The following GPR39 variants were observed in gnomAD, a reference collection of about 807,000 sequenced individuals.
GPR39 encodes the protein G protein-coupled receptor 39.
GPR39 carries 23 observed loss-of-function variants against 18.4 expected under a neutral mutation model. The observed-to-expected ratio is 1.25, with a 90% CI of 0.90 to 1.77. The LOEUF (loss-of-function observed/expected upper bound fraction) is 1.77. GPR39 is among the 40% of genes most tolerant of loss of function. The pLI, the probability that GPR39 is intolerant of heterozygous loss-of-function variation, is 0.00. For synonymous variants in GPR39, 280 were observed against 257.9 expected (o/e 1.09, Z -0.82); for missense variants, 647 against 602.4 (o/e 1.07, Z -0.78).
In GPR39 at chr2:132,492,464, TACCATATATATAC is replaced by T. The variant is rs1265997845; in HGVS notation, c.856+74590_856+74602del. Among the ~76,000 whole-genome samples, 246 of 140,150 alleles carry T rather than the reference TACCATATATATAC, an allele frequency of 1.8e-3. 2 individuals are homozygous for T. Among genetic ancestry groups the T allele is most frequent in the African/African-American group, 3.6e-3 (132 of 36,904 alleles). The allele number at this position is 140,150 out of a possible 152,430, so 91.9% of individuals were successfully genotyped here. A position where few individuals can be genotyped will look rare whatever the true frequency, so the allele number is the denominator to read the frequency against. ...ATACACCATATATACACACCATATA[TACCATATATATAC>T]ACCATATATATACACCATATATACA... is the stretch of plus-strand genomic sequence containing the variant. On this transcript the variant is annotated intron_variant, in intron 1 of 1. Coordinates refer to ENST00000329321, the MANE Select transcript of GPR39 (RefSeq NM_001508.3).
At chr2:132,449,229 G>A (rs6751938) in intron 1 of GPR39, among the ~76,000 whole-genome samples, 120,354 of 151,928 alleles carry the variant, frequency 0.79, 48,505 homozygotes, top group Non-Finnish European at 0.87. Context: ...CCTTTCCTTC[G>A]TGTTTTTTTG....
intron 1 of GPR39, among the ~76,000 whole-genome samples, chr2:132,508,255 C>T (rs1182370062): frequency 1.3e-5 from 2 of 152,122 alleles, no homozygotes; most frequent in African/African-American, 2.4e-5. Flanking sequence ...ACAAAGGCCA[C>T]ACAAATTCTC....
chr2:132,421,954 T>A (rs888285036), intron 1 of GPR39, among the ~76,000 whole-genome samples: 3 of 152,150 alleles, frequency 2.0e-5, no homozygotes, highest in African/African-American at 7.2e-5. Flanking sequence ...TTGAAAACAT[T>A]TGAAAAGAGG....
chr2:132,548,619 C>T (rs1440114005), intron 1 of GPR39, among the ~76,000 whole-genome samples: 22 of 152,248 alleles, frequency 1.4e-4, no homozygotes, highest in Admixed American at 1.4e-3. Context: ...CTTCTTGCCA[C>T]GTGGCAGCTC....
chr2:132,609,928 A>C (rs998505223), intron 1 of GPR39, among the ~76,000 whole-genome samples: 1 of 152,026 alleles, frequency 6.6e-6, no homozygotes, highest in African/African-American at 2.4e-5. Context: ...TTTGTAACTT[A>C]GCGCAAACCA....
At chr2:132,474,561 C>T (rs1029330415) in intron 1 of GPR39, among the ~76,000 whole-genome samples, 1 of 152,178 alleles carries the variant, frequency 6.6e-6, no homozygotes, top group African/African-American at 2.4e-5. Context: ...TGCATGCATG[C>T]GTGGAGTGTT....
At chr2:132,451,367 T>G (rs1011875630) in intron 1 of GPR39, among the ~76,000 whole-genome samples, 2 of 152,206 alleles carry the variant, frequency 1.3e-5, no homozygotes, top group South Asian at 4.1e-4. Context: ...TCTTTCCAAT[T>G]AAATGTAAGC....
At chr2:132,572,184 G>A (rs375885797) in intron 1 of GPR39, among the ~76,000 whole-genome samples, 20 of 152,282 alleles carry the variant, frequency 1.3e-4, no homozygotes, top group Middle Eastern at 3.4e-3. Context: ...CGTAGGGGCA[G>A]GTGACCTTCT....
chr2:132,497,719 C>T (rs1189564037), intron 1 of GPR39, among the ~76,000 whole-genome samples: 2 of 152,324 alleles, frequency 1.3e-5, no homozygotes, highest in African/African-American at 4.8e-5. Context: ...CTGCTACTCA[C>T]CCTGAAGCTG....
At chr2:132,431,589 G>T (rs1005233246) in intron 1 of GPR39, among the ~76,000 whole-genome samples, 2 of 152,202 alleles carry the variant, frequency 1.3e-5, no homozygotes. Context: ...GCTCTCCAAG[G>T]CAGCTTCTCA....
At chr2:132,559,188 G>A (rs532527631) in intron 1 of GPR39, among the ~76,000 whole-genome samples, 2 of 152,264 alleles carry the variant, frequency 1.3e-5, no homozygotes, top group South Asian at 4.1e-4. Flanking sequence ...TAGCCACTTA[G>A]GAAAAGAACT....
At chr2:132,546,759 T>G (rs1679956369) in intron 1 of GPR39, among the ~76,000 whole-genome samples, 1 of 146,658 alleles carries the variant, frequency 6.8e-6, no homozygotes, top group Non-Finnish European at 1.5e-5. Flanking sequence ...TTCCGGGGCC[T>G]CTGTGGCTTG....
chr2:132,513,395 G>A (rs1250796844), intron 1 of GPR39, among the ~76,000 whole-genome samples: 3 of 149,558 alleles, frequency 2.0e-5, no homozygotes, highest in Non-Finnish European at 2.9e-5. Context: ...CCTGGGAGGC[G>A]GAGTTTGCAG....
chr2:132,429,111 A>G (rs930832126), intron 1 of GPR39, among the ~76,000 whole-genome samples: 8 of 152,132 alleles, frequency 5.3e-5, no homozygotes, highest in Middle Eastern at 3.2e-3. Context: ...TGGCCTTTAT[A>G]TTTTATCTTC....
At chr2:132,458,843 A>G (rs1286950444) in intron 1 of GPR39, among the ~76,000 whole-genome samples, 8 of 152,134 alleles carry the variant, frequency 5.3e-5, no homozygotes, top group African/African-American at 1.9e-4. Context: ...ATGAGCAATT[A>G]TAGAGCTGTT....
intron 1 of GPR39, among the ~76,000 whole-genome samples, chr2:132,497,409 G>T (rs968550741): frequency 5.3e-5 from 8 of 152,080 alleles, no homozygotes; most frequent in Non-Finnish European, 1.2e-4. Context: ...GGGAGAATCC[G>T]AAAGGAAAAG....
At chr2:132,472,526 A>G (rs931387094) in intron 1 of GPR39, among the ~76,000 whole-genome samples, 5 of 152,130 alleles carry the variant, frequency 3.3e-5, no homozygotes, top group East Asian at 1.9e-4. Flanking sequence ...TTCAATGCCA[A>G]CATTTCCTGC....
At chr2:132,548,929 G>C (rs892375120) in intron 1 of GPR39, among the ~76,000 whole-genome samples, 1 of 152,152 alleles carries the variant, frequency 6.6e-6, no homozygotes, top group African/African-American at 2.4e-5. Context: ...AACCGTCTCT[G>C]ACCCCCTGGA....
chr2:132,582,158 A>G (rs1316428667), intron 1 of GPR39, among the ~76,000 whole-genome samples: 1 of 152,170 alleles, frequency 6.6e-6, no homozygotes, highest in East Asian at 1.9e-4. Flanking sequence ...CTGTGAGTCA[A>G]AGCTACAGGT....
Sources: allele counts gnomAD v4.1 joint callset (sites outside exome capture counted in the v4.1 genomes callset), GRCh38; gene constraint gnomAD v4.1.1; transcripts MANE v1.5; gene names NCBI Gene and HGNC (gene_info 2026-07-23, HGNC 2026-07-21).